The following LMTK2 variants were observed in gnomAD, a reference collection of about 807,000 sequenced individuals.
LMTK2 encodes serine/threonine-protein kinase LMTK2.
LMTK2 carries 37 observed loss-of-function variants against 127.5 expected under a neutral mutation model. The ratio of observed to expected loss-of-function variants is 0.29; its 90% CI spans 0.22 to 0.38. LMTK2 has a LOEUF of 0.38. Among genes scored for constraint, LMTK2 ranks in the 10% least tolerant of loss-of-function variants. The pLI, the probability that LMTK2 is intolerant of heterozygous loss-of-function variation, is 1.00. For synonymous variants in LMTK2, 819 were observed against 810.1 expected, an observed-to-expected ratio of 1.01 and a Z score of -0.19; for missense variants, 1,694 against 1,920.3, an observed-to-expected ratio of 0.88 and a Z score of 2.20.
chr7:98,185,455 T>C (rs1166158198), intron 8 of LMTK2, among the ~76,000 whole-genome samples: 2 of 152,244 alleles, frequency 1.3e-5, no homozygotes, highest in Non-Finnish European at 2.9e-5. Flanking sequence ...TTACCTGTTA[T>C]GATAAAATAT....
At chr7:98,138,878 C>T (rs1164572350) in intron 2 of LMTK2, among the ~76,000 whole-genome samples, 2 of 152,224 alleles carry the variant, frequency 1.3e-5, no homozygotes, top group East Asian at 3.9e-4. Flanking sequence ...CCCGGAGATG[C>T]TGGCGCAGGG....
chr7:98,179,629 T>TTCTCCCTCCCTCCCTC (rs1172962363), intron 7 of LMTK2, among the ~76,000 whole-genome samples: 1 of 109,364 alleles, frequency 9.1e-6, no homozygotes. Flanking sequence ...CTCCCTCCCT[T>TTCTCCCTCCCTCCCTC]TCTCCCTCCC....
At chr7:98,169,601 A>G (rs1026808374) in intron 6 of LMTK2, among the ~76,000 whole-genome samples, 1 of 152,148 alleles carries the variant, frequency 6.6e-6, no homozygotes, top group Non-Finnish European at 1.5e-5. Flanking sequence ...TTACCATTTC[A>G]TTGGTAATGT....
chr7:98,129,354 C>CTGTTT (rs1796488566), intron 1 of LMTK2, among the ~76,000 whole-genome samples: 4 of 100,432 alleles, frequency 4.0e-5, no homozygotes, highest in African/African-American at 7.5e-5. Flanking sequence ...TAAGTTTATT[C>CTGTTT]AGTTTTGTTT....
At chr7:98,128,084 C>T (rs974054264) in intron 1 of LMTK2, among the ~76,000 whole-genome samples, 3 of 152,158 alleles carry the variant, frequency 2.0e-5, no homozygotes, top group Non-Finnish European at 2.9e-5. Flanking sequence ...GTGGAGGTTG[C>T]AGTGAGCCAA....
At position 98,191,883 on chromosome 7, in the gene LMTK2, G is replaced by A. The variant is rs947497833; in HGVS notation, c.1418G>A (p.Ser473Asn). ...GTGACCGAAACCAGCCAGGGCCTGAGCTTCGAGTATGTCTGGGAGGCCGCT... is the reference window on the plus strand; with the variant it reads ...GTGACCGAAACCAGCCAGGGCCTGAACTTCGAGTATGTCTGGGAGGCCGCT... Reference protein sequence around the residue: ...LTVTETSQGLSFEYVWEAAKH... With the variant: ...LTVTETSQGLNFEYVWEAAKH... The change falls in exon 11 of 14, where the codon AGC (serine) becomes AAC (asparagine). Residue 473 changes from serine (S) to asparagine (N), a missense_variant. By Grantham distance (46) the Ser-to-Asn change is conservative. Around this residue, in one of 8 missense-constraint regions of LMTK2, gnomAD observed 216 missense variants for 266.8 expected, o/e 0.81. Transcript: ENST00000297293. 6.2e-7 allele frequency: 1 copy of A among 1,614,126 alleles called. No homozygotes were observed. The highest frequency in any genetic ancestry group is 8.5e-7 in the Non-Finnish European group (1 of 1,180,050).
At chr7:98,175,490 T>C (rs1797263032) in intron 7 of LMTK2, among the ~76,000 whole-genome samples, 1 of 152,202 alleles carries the variant, frequency 6.6e-6, no homozygotes, top group Admixed American at 6.5e-5. Flanking sequence ...CTGTAGGCAG[T>C]AGGATGGCAT....
At chr7:98,107,381 C>G in intron 1 of LMTK2, 101 bp downstream of exon 1, 1 of 144,644 alleles carries the variant, frequency 6.9e-6, no homozygotes, top group Non-Finnish European at 1.4e-5. Context: ...ATCGGAGGGC[C>G]TGCCGGGGGC....
chr7:98,133,222 C>A (rs1311244739), intron 1 of LMTK2, among the ~76,000 whole-genome samples: 2 of 152,130 alleles, frequency 1.3e-5, no homozygotes, highest in Non-Finnish European at 2.9e-5. Context: ...TATGGTGATG[C>A]CTGTTCTTGA....
At position 98,137,325 on chromosome 7, in the gene LMTK2, A is replaced by G. The variant is rs1423479090; in HGVS notation, c.114A>G (p.Pro38=). Residue 38 remains proline (P), a synonymous_variant, in exon 2 of 14, where the codon CCA becomes CCG. Coordinates refer to ENST00000297293, the MANE Select transcript of LMTK2 (RefSeq NM_014916.4). ...PLPQTGAGEA[P]PAAEVSSSFV... is the part of the protein sequence containing the mutation. The stretch of plus-strand genomic sequence containing the variant: ...TATCTCTCTTTCCAGGGGAGGCGCC[A>G]CCTGCTGCAGAAGTTTCCTCATCTT... 3 of 1,609,346 alleles carry G rather than the reference A, an allele frequency of 1.9e-6. No homozygotes were observed. Among genetic ancestry groups the G allele is most frequent in the Non-Finnish European group, 2.5e-6 (3 of 1,178,778 alleles).
chr7:98,154,947 C>T, intron 5 of LMTK2, 71 bp downstream of exon 5: 1 of 870,510 alleles, frequency 1.1e-6, no homozygotes, highest in East Asian at 2.5e-5. Flanking sequence ...TTTAAAACTA[C>T]TGTGGGATTT....
chr7:98,127,637 G>C (rs1796461965), intron 1 of LMTK2, among the ~76,000 whole-genome samples: 1 of 152,226 alleles, frequency 6.6e-6, no homozygotes, highest in South Asian at 2.1e-4. Flanking sequence ...ACCCCTGCCA[G>C]TGGGATTGGC....
chr7:98,137,231 A>G, intron 1 of LMTK2, 84 bp from the exon 2 acceptor site: 1 of 1,306,186 alleles, frequency 7.7e-7, no homozygotes, highest in Non-Finnish European at 1.1e-6. Context: ...ACCCATTTGT[A>G]TGTAGAGGAA....
rs963898190 is a variant in LMTK2 at position 98,122,714 on chromosome 7, G to C, written c.104-14601G>C. Among the ~76,000 whole-genome samples, 15 of 4,592 alleles carry C rather than the reference G, an allele frequency of 3.3e-3. 1 individual carries two copies. Among genetic ancestry groups the C allele is most frequent in the Non-Finnish European group, 9.9e-3 (6 of 608 alleles). The allele number at this position is 4,592 out of a possible 152,430, so 3.0% of individuals were successfully genotyped here. ...TGTGTGTGTGTGTGTGTGTGTGTGTGTGTGTGTGTGTGTATATATATAACT... is the reference window on the plus strand; with the variant it reads ...TGTGTGTGTGTGTGTGTGTGTGTGTCTGTGTGTGTGTGTATATATATAACT... On this transcript the variant is annotated intron_variant, in intron 1 of 13. Transcript: ENST00000297293.
At chr7:98,114,269 C>G (rs1007601109) in intron 1 of LMTK2, among the ~76,000 whole-genome samples, 10 of 136,478 alleles carry the variant, frequency 7.3e-5, no homozygotes, top group Admixed American at 2.4e-4. Flanking sequence ...GAGACAGGGT[C>G]TTGTTCTGTC....
chr7:98,172,328 G>A (rs1450269163), intron 7 of LMTK2, among the ~76,000 whole-genome samples: 3 of 144,128 alleles, frequency 2.1e-5, no homozygotes, highest in African/African-American at 2.6e-5. Flanking sequence ...TTTTTGAGAC[G>A]GAGTCTTGCT....
chr7:98,166,488 T>C (rs915426184), intron 6 of LMTK2, among the ~76,000 whole-genome samples: 2 of 152,244 alleles, frequency 1.3e-5, no homozygotes, highest in South Asian at 2.1e-4. Flanking sequence ...GTGTTTTTGT[T>C]TTAACCTAAG....
intron 6 of LMTK2, among the ~76,000 whole-genome samples, chr7:98,165,890 G>A (rs1353383900): frequency 1.3e-5 from 2 of 152,122 alleles, no homozygotes; most frequent in Admixed American, 1.3e-4. Context: ...AGGTGGATGG[G>A]GTCCCTGACC....
intron 11 of LMTK2, among the ~76,000 whole-genome samples, chr7:98,201,296 A>C (rs1300866187): frequency 1.3e-5 from 2 of 152,150 alleles, no homozygotes; most frequent in East Asian, 3.8e-4. Flanking sequence ...CTTATCTGAA[A>C]TGCTTAGGAC....
Sources: gnomAD v4.1 joint callset for allele counts (sites outside exome capture counted in the v4.1 genomes callset) on GRCh38, gnomAD v4.1.1 for gene constraint, gnomAD v4.1.1 regional missense constraint, MANE v1.5 for transcripts, NCBI Gene and HGNC (gene_info 2026-07-23, HGNC 2026-07-21) for gene names.